Variants in MAST4 observed in about 807,000 individuals in gnomAD.
The protein encoded by MAST4 is microtubule-associated serine/threonine-protein kinase 4.
A neutral mutation model predicts 162.7 loss-of-function variants in MAST4; 89 were observed. The observed-to-expected ratio is 0.55, with a 90% CI of 0.46 to 0.65. The LOEUF is 0.65. Ranked by LOEUF, MAST4 falls within the 30% of genes least tolerant of loss-of-function variation. The probability of loss-of-function intolerance (pLI) is 0.00; values close to 1 mark genes in which losing one functional copy is unlikely to be tolerated. For missense variants in MAST4, 3,153 were observed against 3,374.0 expected (o/e 0.93, Z 1.62); for synonymous variants, 1,479 against 1,361.1 (o/e 1.09, Z -1.91).
intron 23 of MAST4, among the ~76,000 whole-genome samples, chr5:67,148,267 A>C (rs1313954113): frequency 6.6e-6 from 1 of 152,234 alleles, no homozygotes; most frequent in African/African-American, 2.4e-5. Flanking sequence ...TGTAGCATGT[A>C]GAAGTAAAAT....
chr5:67,149,589 G>T lies in MAST4; in HGVS notation c.3295G>T (p.Asp1099Tyr). The T allele has an allele frequency of 6.2e-7, 1 of 1,613,280 alleles. No homozygotes were observed. The highest frequency in any genetic ancestry group is 8.5e-7 in the Non-Finnish European group (1 of 1,179,596). Residue 1099 changes from aspartate to tyrosine, a missense_variant and splice_region_variant, in exon 24 of 29, where the codon GAT (aspartate) becomes TAT (tyrosine). Asp to Tyr is a radical substitution (Grantham distance 160). Coordinates refer to ENST00000403625, the MANE Select transcript of MAST4 (RefSeq NM_001164664.2). ...ASALSLMIPG[D>Y]MFAVSPLGSP... ...TGCTCTTTCCCTCATGATCCCAGGA[G>T]GTAGAGAGATACTACTTGCATGAAA...
At chr5:67,161,640 A>G (rs1450392545) in intron 27 of MAST4, among the ~76,000 whole-genome samples, 1 of 152,228 alleles carries the variant, frequency 6.6e-6, no homozygotes, top group African/African-American at 2.4e-5. Flanking sequence ...AAAGAATACA[A>G]AGCGACTTCT....
At chr5:67,080,409 T>G (rs1470556116) in intron 5 of MAST4, among the ~76,000 whole-genome samples, 1 of 152,162 alleles carries the variant, frequency 6.6e-6, no homozygotes, top group African/African-American at 2.4e-5. Context: ...CACCTTGCAA[T>G]AGTAACTGTG....
At chr5:66,604,535 G>A (rs577554975) in intron 1 of MAST4, among the ~76,000 whole-genome samples, 1 of 152,336 alleles carries the variant, frequency 6.6e-6, no homozygotes, top group South Asian at 2.1e-4. Flanking sequence ...TTCTTGGTTT[G>A]TGCTTTTGCG....
Position 66,674,561 on chromosome 5 carries a change from C to T in MAST4, c.363+77543C>T, listed in dbSNP as rs1045474494. On this transcript the variant is annotated intron_variant, in intron 1 of 28. Transcript: ENST00000403625. ...ACATAAGACAAGTGAAAAGATTAGA[C>T]GAATAGCACCTTTCAGTCTACATGA... is the stretch of plus-strand genomic sequence containing the variant. Among the ~76,000 whole-genome samples, 4 of 152,294 alleles carry T rather than the reference C, an allele frequency of 2.6e-5. No individual in the cohort carries two copies. The East Asian group carries it at 5.8e-4, about 22-fold the overall frequency.
intron 27 of MAST4, among the ~76,000 whole-genome samples, 194 bp from the exon 28 acceptor site, chr5:67,162,409 TTGTC>T (rs1372983274): frequency 3.3e-5 from 5 of 152,212 alleles, no homozygotes; most frequent in South Asian, 2.1e-4. Context: ...AGAGGCTCCA[TTGTC>T]TACTATTAAA....
intron 3 of MAST4, among the ~76,000 whole-genome samples, chr5:66,841,311 AG>A (rs1315090655): frequency 2.0e-5 from 3 of 152,130 alleles, no homozygotes; most frequent in Non-Finnish European, 2.9e-5. Context: ...AACTTTTCTG[AG>A]GCTTAGATTC....
chr5:66,623,977 A>G (rs1214761974), intron 1 of MAST4, among the ~76,000 whole-genome samples: 1 of 152,178 alleles, frequency 6.6e-6, no homozygotes, highest in Non-Finnish European at 1.5e-5. Flanking sequence ...AAACTCTCTA[A>G]AAGGAAAATT....
intron 1 of MAST4, among the ~76,000 whole-genome samples, chr5:66,691,696 C>G (rs1039999081): frequency 6.6e-6 from 1 of 152,060 alleles, no homozygotes; most frequent in African/African-American, 2.4e-5. Context: ...AGGGACCTCC[C>G]TGAGATAGCT....
At chr5:66,732,132 T>C (rs1751893039) in intron 1 of MAST4, among the ~76,000 whole-genome samples, 1 of 152,002 alleles carries the variant, frequency 6.6e-6, no homozygotes, top group African/African-American at 2.4e-5. Flanking sequence ...TTCTGAAGCA[T>C]GGGCCTAATT....
chr5:66,623,521 A>G (rs1184027738), intron 1 of MAST4, among the ~76,000 whole-genome samples: 1 of 152,258 alleles, frequency 6.6e-6, no homozygotes, highest in African/African-American at 2.4e-5. Context: ...TTCACAGCAT[A>G]GAAGATAAAA....
intron 5 of MAST4, among the ~76,000 whole-genome samples, chr5:67,078,713 A>ATATTATG (rs1762008920): frequency 7.7e-6 from 1 of 130,398 alleles, no homozygotes; most frequent in African/African-American, 3.1e-5. Flanking sequence ...TATAATATTT[A>ATATTATG]TTTATATTAT....
chr5:66,743,398 G>A (rs1752578608), intron 1 of MAST4, among the ~76,000 whole-genome samples: 1 of 152,204 alleles, frequency 6.6e-6, no homozygotes, highest in Non-Finnish European at 1.5e-5. Flanking sequence ...CTGGGATGGC[G>A]TGACCTGGGA....
chr5:66,623,764 G>A (rs574700412), intron 1 of MAST4, among the ~76,000 whole-genome samples: 1 of 152,264 alleles, frequency 6.6e-6, no homozygotes, highest in African/African-American at 2.4e-5. Flanking sequence ...GAAGTCCTAG[G>A]CAGAGAAAAC....
chr5:66,907,616 G>GTGTGTC (rs879638843), intron 4 of MAST4, among the ~76,000 whole-genome samples: 161 of 151,176 alleles, frequency 1.1e-3, no homozygotes, highest in African/African-American at 3.5e-3. Flanking sequence ...GTGTGTGTGT[G>GTGTGTC]TGTGTGTGTG....
chr5:66,953,867 T>C (rs1237195629), intron 4 of MAST4, among the ~76,000 whole-genome samples: 1 of 152,130 alleles, frequency 6.6e-6, no homozygotes, highest in Non-Finnish European at 1.5e-5. Context: ...TGGCCTCTAC[T>C]CACTATATGC....
Position 67,100,973 on chromosome 5 carries a change from A to G in MAST4, c.1070+381A>G, listed in dbSNP as rs372768297. On this transcript the variant is annotated intron_variant, in intron 8 of 28. Coordinates refer to ENST00000403625, the MANE Select transcript of MAST4 (RefSeq NM_001164664.2). ...AGGATTTTTTAAAATTCCAGATTCC[A>G]TATTACAAAATATCTTTGTTCTTTC... Among the ~76,000 whole-genome samples the G allele has an allele frequency of 5.3e-4, 81 of 152,356 alleles. No homozygotes were observed. In the South Asian group the frequency reaches 0.016, roughly 29 times the overall value.
At chr5:66,917,140 C>G (rs1332362126) in intron 4 of MAST4, 4 of 645,276 alleles carry the variant, frequency 6.2e-6, no homozygotes, top group Non-Finnish European at 1.1e-5. Flanking sequence ...GCCCTTAATT[C>G]TTTCCAATCT....
intron 4 of MAST4, among the ~76,000 whole-genome samples, chr5:67,022,018 C>T (rs1199956547): frequency 6.6e-6 from 1 of 152,204 alleles, no homozygotes; most frequent in Non-Finnish European, 1.5e-5. Context: ...TTTGCTTTCA[C>T]ACATTCCTCA....
Sources: allele counts gnomAD v4.1 joint callset (sites outside exome capture counted in the v4.1 genomes callset), GRCh38; gene constraint gnomAD v4.1.1; transcripts MANE v1.5; gene names NCBI Gene and HGNC (gene_info 2026-07-23, HGNC 2026-07-21).